The following DNAH17 variants were observed in gnomAD, a reference collection of about 807,000 sequenced individuals.
The protein encoded by DNAH17 is axonemal beta dynein heavy chain 17.
A neutral mutation model predicts 485.6 loss-of-function variants in DNAH17; 376 were observed. The observed-to-expected ratio is 0.77, with a 90% CI of 0.71 to 0.84. The LOEUF (loss-of-function observed/expected upper bound fraction) is 0.84, where lower values mean the gene tolerates loss of function less well. DNAH17 is among the 40% of genes least tolerant of loss of function. The pLI is 0.00. For missense variants in DNAH17, 6,370 were observed against 5,839.3 expected, an observed-to-expected ratio of 1.09 and a Z score of -2.96; for synonymous variants, 3,031 against 2,405.9, an observed-to-expected ratio of 1.26 and a Z score of -7.60.
At chr17:78,542,299 C>A (rs1404216638) in intron 17 of DNAH17, among the ~76,000 whole-genome samples, 1 of 152,016 alleles carries the variant, frequency 6.6e-6, no homozygotes, top group Non-Finnish European at 1.5e-5. Context: ...AGGTTCCTAC[C>A]ACTATACCTG....
At chr17:78,450,099 C>G (rs1262913424) in intron 68 of DNAH17, 155 bp downstream of exon 68, 2 of 894,666 alleles carry the variant, frequency 2.2e-6, no homozygotes, top group Non-Finnish European at 3.4e-6. Context: ...CCCCTGGCTC[C>G]CCCTCTTCCA....
At chr17:78,542,843 T>C (rs986621965) in intron 17 of DNAH17, among the ~76,000 whole-genome samples, 15 of 152,240 alleles carry the variant, frequency 9.9e-5, no homozygotes, top group African/African-American at 3.1e-4. Flanking sequence ...GCTCTTCCCA[T>C]GTTACTGTTC....
rs1003604608 is a variant in DNAH17, at chr17:78,530,253, C to T, written c.3284+90G>A. On this transcript the variant is annotated intron_variant, in intron 21 of 80. Transcript: ENST00000389840. ...ACCCCCTGCTACCCCAGAGGAGGCA[C>T]CTGACAAATGCCACCCACTCAAGTG... The T allele has an allele frequency of 1.2e-5, 17 of 1,426,478 alleles. No individual in the cohort carries two copies. In the African/African-American group the frequency reaches 2.4e-4, roughly 20 times the overall value. 88.4% of individuals were successfully genotyped at this position (1,426,478 alleles called of 1,614,324 possible).
Position 78,486,162 on chromosome 17 carries a change from G to T in DNAH17, c.7102-29C>A, listed in dbSNP as rs773231080. On this transcript the variant is annotated intron_variant, in intron 45 of 80. Coordinates refer to ENST00000389840, the MANE Select transcript of DNAH17 (RefSeq NM_173628.4). The stretch of plus-strand genomic sequence containing the variant: ...TTGAGACACAGAAGTAAAAATCAGG[G>T]CCCAGCTAAGCAGGATGCTGAGAGA... 53 of 1,605,358 alleles carry T rather than the reference G, an allele frequency of 3.3e-5. No individual in the cohort carries two copies. The South Asian group carries it at 5.0e-4, about 15-fold the overall frequency.
At position 78,532,646 on chromosome 17, in the gene DNAH17, G is replaced by A. The variant is rs531411990; in HGVS notation, c.2950C>T (p.Gln984Ter). ...INAMKEAEEYQDSFERYSYLW... is the reference protein window; with the variant it reads ...INAMKEAEEY ...TAGGAGTACCTCTCAAAGGAATCCT[G>A]GTACTCCTCGGCCTCCTTCATGGCA... The change falls in exon 20 of 81, where the codon CAG (glutamine) becomes TAG (stop). Residue 984 changes from glutamine (Q) to a stop codon, truncating the protein, a stop_gained. Transcript: ENST00000389840. LOFTEE classifies it high-confidence loss of function. 1.9e-6 allele frequency: 3 copies of A among 1,597,336 alleles called. No individual in the cohort carries two copies. The highest frequency in any genetic ancestry group is 1.1e-5 in the South Asian group (1 of 88,272).
intron 27 of DNAH17, among the ~76,000 whole-genome samples, chr17:78,509,874 G>A (rs1451568717): frequency 6.6e-6 from 1 of 152,196 alleles, no homozygotes; most frequent in Non-Finnish European, 1.5e-5. Context: ...CCGCAAATTG[G>A]GTTTTCTAAG....
At chr17:78,469,932 G>A (rs141838921) in intron 54 of DNAH17, among the ~76,000 whole-genome samples, 151 of 152,268 alleles carry the variant, frequency 9.9e-4, no homozygotes, top group South Asian at 1.9e-3. Context: ...GGAATGGGGA[G>A]TTGTTTAATG....
intron 54 of DNAH17, 147 bp downstream of exon 54, chr17:78,475,131 T>C (rs2088955845): frequency 1.0e-6 from 1 of 952,868 alleles, no homozygotes; most frequent in Non-Finnish European, 1.5e-6. Flanking sequence ...GCCTCTGCTT[T>C]CTAAGATAAA....
chr17:78,485,867 G>A (rs2089584069), intron 46 of DNAH17, 93 bp downstream of exon 46: 2 of 1,571,874 alleles, frequency 1.3e-6, no homozygotes. Flanking sequence ...AAAATCGGTT[G>A]TGTTTGGACA....
rs1425828070 is a variant in DNAH17 at position 78,494,094 on chromosome 17, A to G, written c.6350T>C (p.Leu2117Pro). Residue 2117 changes from leucine to proline, a missense_variant, in exon 41 of 81, where the codon CTG becomes CCG. By Grantham distance (98) the Leu-to-Pro change is moderately conservative (BLOSUM62 -3). Coordinates refer to ENST00000389840, the MANE Select transcript of DNAH17 (RefSeq NM_173628.4). Reference protein sequence around the residue: ...FVLKVVQLEELLQVRHSVFIV... With the variant: ...FVLKVVQLEEPLQVRHSVFIV... ...GAACACGGAGTGGCGGACCTGCAGC[A>G]GCTCCTCCAGCTGCACCACCTTCAG... 1 of 1,612,638 alleles carries G rather than the reference A, an allele frequency of 6.2e-7. No individual in the cohort carries two copies. Among genetic ancestry groups the G allele is most frequent in the African/African-American group, 1.3e-5 (1 of 74,904 alleles).
At chr17:78,500,568 G>A (rs1257940261) in intron 35 of DNAH17, 107 bp from the exon 36 acceptor site, 2 of 1,178,226 alleles carry the variant, frequency 1.7e-6, no homozygotes, top group African/African-American at 3.2e-5. Context: ...GAGTGCAGTG[G>A]TACAATCTTG....
At chr17:78,484,701 C>T in intron 48 of DNAH17, 167 bp downstream of exon 48, 1 of 418,644 alleles carries the variant, frequency 2.4e-6, no homozygotes. Context: ...AACTTGGGGG[C>T]CCAGCTACGA....
rs1438338039 is a variant in DNAH17 at position 78,475,704 on chromosome 17, C to T, written c.8284G>A (p.Asp2762Asn). The change falls in exon 53 of 81, where the codon GAC (aspartate) becomes AAC (asparagine). Residue 2762 changes from aspartate (D) to asparagine (N), a missense_variant. Asp to Asn is a conservative substitution (Grantham distance 23, BLOSUM62 1). Transcript: ENST00000389840. ...ACTGCATTAACTTCATTGTAGCTGT[C>T]CAGGACGTCCACGAGGAGCTTGTTC... is the stretch of plus-strand genomic sequence containing the variant. ...PLNKLLVDVL[D>N]SYNEVNAVMN... is the part of the protein sequence containing the mutation. 1.2e-6 allele frequency: 2 copies of T among 1,613,842 alleles called. No individual in the cohort carries two copies. Among genetic ancestry groups the T allele is most frequent in the Admixed American group, 1.7e-5 (1 of 59,988 alleles).
At chr17:78,572,628 G>C in intron 3 of DNAH17, 73 bp downstream of exon 3, 1 of 1,341,194 alleles carries the variant, frequency 7.5e-7, no homozygotes, top group Non-Finnish European at 1.0e-6. Flanking sequence ...GGGTGGAGTG[G>C]GGTGGGGGGT....
intron 75 of DNAH17, among the ~76,000 whole-genome samples, chr17:78,432,285 G>T (rs550175892): frequency 2.0e-5 from 3 of 152,146 alleles, no homozygotes; most frequent in Non-Finnish European, 2.9e-5. Flanking sequence ...CCGTCTCTCC[G>T]TGCTGAAAGT....
chr17:78,486,963 C>T (rs188775899), intron 44 of DNAH17, among the ~76,000 whole-genome samples: 1 of 149,392 alleles, frequency 6.7e-6, no homozygotes, highest in African/African-American at 2.5e-5. Flanking sequence ...TGAATCCAGC[C>T]ATGCCTGAAG....
chr17:78,538,984 G>A (rs1352900566), intron 18 of DNAH17, among the ~76,000 whole-genome samples: 2 of 152,196 alleles, frequency 1.3e-5, no homozygotes, highest in South Asian at 4.1e-4. Flanking sequence ...TGTAATCCCA[G>A]CACTTTGGGA....
chr17:78,440,885 C>T (rs554104100), intron 72 of DNAH17, among the ~76,000 whole-genome samples, 166 bp downstream of exon 72: 140 of 152,384 alleles, frequency 9.2e-4, no homozygotes, highest in Admixed American at 3.5e-3. Flanking sequence ...TCAGGCCTCA[C>T]AACTCGTGTT....
intron 17 of DNAH17, among the ~76,000 whole-genome samples, chr17:78,542,918 G>A (rs763736534): frequency 1.3e-5 from 2 of 152,170 alleles, no homozygotes; most frequent in African/African-American, 2.4e-5. Flanking sequence ...GCCCACCCTC[G>A]GCAGCTCATC....
Sources: allele counts gnomAD v4.1 joint callset (sites outside exome capture counted in the v4.1 genomes callset), GRCh38; gene constraint gnomAD v4.1.1; transcripts MANE v1.5; gene names NCBI Gene and HGNC (gene_info 2026-07-23, HGNC 2026-07-21).